Variants in KSR1 observed in about 807,000 individuals in gnomAD.
KSR1 encodes the protein kinase suppressor of ras.
In KSR1, 35 loss-of-function variants were observed where a neutral mutation model predicts 92.9. That is an observed-to-expected ratio of 0.38 (90% confidence interval 0.29 to 0.50). The LOEUF (loss-of-function observed/expected upper bound fraction) is 0.50, where lower values mean the gene tolerates loss of function less well. Among genes scored for constraint, KSR1 ranks in the 20% least tolerant of loss-of-function variants. The probability of loss-of-function intolerance (pLI) is 0.94; values close to 1 mark genes in which losing one functional copy is unlikely to be tolerated. For missense variants in KSR1, 972 were observed against 1,158.5 expected (o/e 0.84, Z 2.34); for synonymous variants, 467 against 472.6 (o/e 0.99, Z 0.15).
At chr17:27,478,410 T>G (rs937447558) in intron 1 of KSR1, among the ~76,000 whole-genome samples, 3 of 152,174 alleles carry the variant, frequency 2.0e-5, no homozygotes, top group Non-Finnish European at 2.9e-5. Flanking sequence ...ATGGGGACAA[T>G]GTCATACCTA....
intron 1 of KSR1, among the ~76,000 whole-genome samples, chr17:27,481,898 T>G (rs1163396169): frequency 1.3e-5 from 2 of 152,224 alleles, no homozygotes; most frequent in Non-Finnish European, 2.9e-5. Flanking sequence ...GCTGGTGCCC[T>G]TGGGCTTTGG....
intron 2 of KSR1, among the ~76,000 whole-genome samples, chr17:27,568,290 A>G (rs1247088736): frequency 6.6e-6 from 1 of 152,154 alleles, no homozygotes; most frequent in Non-Finnish European, 1.5e-5. Context: ...CTCATCTCCC[A>G]TCTGAATGGA....
intron 1 of KSR1, among the ~76,000 whole-genome samples, chr17:27,487,472 G>C (rs772475925): frequency 7.9e-5 from 12 of 151,830 alleles, no homozygotes; most frequent in African/African-American, 1.5e-4. Context: ...ATTTGGGCTG[G>C]GTGTGGTGAC....
At chr17:27,615,017 T>C (rs1414357171) in intron 18 of KSR1, among the ~76,000 whole-genome samples, 2 of 152,250 alleles carry the variant, frequency 1.3e-5, no homozygotes, top group Non-Finnish European at 2.9e-5. Context: ...CACTGCTTTA[T>C]GTGCTGAGGC....
In KSR1 at chr17:27,623,600, A is replaced by T. The variant is rs889698764; in HGVS notation, c.*208A>T. ...TTAAAATGACACCACCAACAACCAA[A>T]CCTGTCATGACAGACAGCAAATGTT... is the stretch of plus-strand genomic sequence containing the variant. On this transcript the variant is annotated 3_prime_UTR_variant, in exon 21 of 21. Coordinates refer to ENST00000644974, the MANE Select transcript of KSR1 (RefSeq NM_001394583.1). The T allele has an allele frequency of 4.2e-5, 26 of 625,488 alleles. No homozygotes were observed. Among genetic ancestry groups the T allele is most frequent in the Non-Finnish European group, 7.3e-5 (26 of 353,784 alleles). The allele number at this position is 625,488 out of a possible 1,614,324, so 38.7% of individuals were successfully genotyped here. A position where few individuals can be genotyped will look rare whatever the true frequency, so the allele number is the denominator to read the frequency against.
chr17:27,514,206 C>T lies in KSR1; in HGVS notation c.232-36362C>T, dbSNP rs1356769843. Among the ~76,000 whole-genome samples the T allele has an allele frequency of 3.3e-5, 5 of 152,368 alleles. No individual in the cohort carries two copies. In the South Asian group the frequency reaches 8.3e-4, roughly 25 times the overall value. On this transcript the variant is annotated intron_variant, in intron 1 of 20. Coordinates refer to ENST00000644974, the MANE Select transcript of KSR1 (RefSeq NM_001394583.1). ...AGGCAAGCTCCCAGTAAATAACACT[C>T]GGTCAGCCTGTGTTTTATTGGGGCA...
intron 2 of KSR1, among the ~76,000 whole-genome samples, chr17:27,567,887 A>G (rs1160558325): frequency 6.6e-6 from 1 of 152,162 alleles, no homozygotes; most frequent in Admixed American, 6.5e-5. Context: ...ATGAGTGCTG[A>G]CTAGATTGTC....
chr17:27,546,211 T>A (rs991042563), intron 1 of KSR1, among the ~76,000 whole-genome samples: 1 of 152,170 alleles, frequency 6.6e-6, no homozygotes, highest in Non-Finnish European at 1.5e-5. Flanking sequence ...AGCATATGTT[T>A]TATGCCAGGT....
intron 20 of KSR1, chr17:27,621,921 C>G: frequency 1.2e-6 from 2 of 1,613,750 alleles, no homozygotes; most frequent in Non-Finnish European, 1.7e-6. Flanking sequence ...TTCTCTTTCC[C>G]TCTGTAGGTT....
chr17:27,622,108 C>T, intron 20 of KSR1: 1 of 646,546 alleles, frequency 1.5e-6, no homozygotes, highest in East Asian at 2.7e-5. Context: ...TAAAAACTGG[C>T]CCTCTGCCCT....
chr17:27,526,348 C>T, intron 1 of KSR1: 1 of 1,348,356 alleles, frequency 7.4e-7, no homozygotes, highest in South Asian at 1.4e-5. Context: ...ACATTCTTTG[C>T]CAACACAATT....
chr17:27,480,890 G>C, intron 1 of KSR1, among the ~76,000 whole-genome samples: 1 of 152,286 alleles, frequency 6.6e-6, no homozygotes, highest in East Asian at 1.9e-4. Flanking sequence ...CTCCTTAGTC[G>C]CATGCGTGTG....
At chr17:27,610,253 G>A in intron 17 of KSR1, 55 bp downstream of exon 17, 1 of 1,610,344 alleles carries the variant, frequency 6.2e-7, no homozygotes, top group Non-Finnish European at 8.5e-7. Context: ...GAGGGCCCTG[G>A]TGGCCATTGG....
At chr17:27,599,345 G>A (rs970875287) in intron 10 of KSR1, among the ~76,000 whole-genome samples, 3 of 152,186 alleles carry the variant, frequency 2.0e-5, no homozygotes, top group African/African-American at 7.2e-5. Flanking sequence ...ATCACTTGAG[G>A]CCAAGAGTTC....
At position 27,609,185 on chromosome 17, in the gene KSR1, G is replaced by A. The variant is rs774565330; in HGVS notation, c.2092-11G>A. 17 of 1,611,250 alleles carry A rather than the reference G, an allele frequency of 1.1e-5. No individual in the cohort carries two copies. The highest frequency in any genetic ancestry group is 2.2e-5 in the East Asian group (1 of 44,808). On this transcript the variant is annotated splice_polypyrimidine_tract_variant and intron_variant, in intron 15 of 20. Coordinates refer to ENST00000644974, the MANE Select transcript of KSR1 (RefSeq NM_001394583.1). ...GTTGCACATCTTCACTCCTCCTGAT[G>A]TGTCCTCCAGGGCATGGGATATCTT...
rs1478817420 is a variant in KSR1, at chr17:27,553,917, G to A, written c.372+3209G>A. On this transcript the variant is annotated intron_variant, in intron 2 of 20. Coordinates refer to ENST00000644974, the MANE Select transcript of KSR1 (RefSeq NM_001394583.1). ...ACCCTGAGTTAGAGCAGCTCTCCAG[G>A]GCTTCAGCTGCAAGGGCTGGCCCCA... Among the ~76,000 whole-genome samples the A allele has an allele frequency of 4.6e-5, 7 of 152,290 alleles. No homozygotes were observed. The South Asian group carries it at 6.2e-4, about 14-fold the overall frequency.
At chr17:27,590,101 C>G (rs997068098) in intron 6 of KSR1, among the ~76,000 whole-genome samples, 4 of 152,170 alleles carry the variant, frequency 2.6e-5, no homozygotes, top group African/African-American at 7.2e-5. Flanking sequence ...GTATACCATC[C>G]AGATGAAGAT....
intron 1 of KSR1, among the ~76,000 whole-genome samples, chr17:27,509,680 C>CAACA (rs2069528052): frequency 1.3e-5 from 2 of 149,434 alleles, no homozygotes; most frequent in African/African-American, 2.5e-5. Flanking sequence ...CAAACAACAA[C>CAACA]AAAAAACAAA....
intron 1 of KSR1, among the ~76,000 whole-genome samples, chr17:27,527,402 C>G (rs1249666582): frequency 2.5e-5 from 3 of 119,934 alleles, no homozygotes; most frequent in South Asian, 3.8e-4. Context: ...CCCCCCCCCC[C>G]CCCTTTTTTT....
Sources: gnomAD v4.1 joint callset for allele counts (sites outside exome capture counted in the v4.1 genomes callset) on GRCh38, gnomAD v4.1.1 for gene constraint, MANE v1.5 for transcripts, NCBI Gene and HGNC (gene_info 2026-07-23, HGNC 2026-07-21) for gene names.